The following GRM8 variants were observed in gnomAD, a reference collection of about 807,000 sequenced individuals.
GRM8 encodes metabotropic glutamate receptor 8.
A neutral mutation model predicts 87.2 loss-of-function variants in GRM8; 47 were observed. The observed-to-expected ratio is 0.54, with a 90% CI of 0.43 to 0.69. GRM8 has a LOEUF of 0.69. Among genes scored for constraint, GRM8 ranks in the 30% least tolerant of loss-of-function variants. GRM8 has a pLI of 0.00. For synonymous variants in GRM8, 396 were observed against 404.5 expected, an observed-to-expected ratio of 0.98 and a Z score of 0.25; for missense variants, 1,019 against 1,139.2, an observed-to-expected ratio of 0.89 and a Z score of 1.52.
intron 3 of GRM8, among the ~76,000 whole-genome samples, chr7:126,936,072 A>T (rs1378680857): frequency 6.6e-6 from 1 of 152,184 alleles, no homozygotes; most frequent in Non-Finnish European, 1.5e-5. Context: ...TTAAGAAAAG[A>T]TAAAAACCAT....
chr7:126,530,588 G>T (rs1237590278), intron 9 of GRM8, among the ~76,000 whole-genome samples: 1 of 152,216 alleles, frequency 6.6e-6, no homozygotes, highest in Non-Finnish European at 1.5e-5. Flanking sequence ...TGGGTTAATG[G>T]ATGTGTGTGC....
chr7:126,766,240 T>C (rs1281603700), intron 7 of GRM8, among the ~76,000 whole-genome samples: 1 of 152,108 alleles, frequency 6.6e-6, no homozygotes, highest in Non-Finnish European at 1.5e-5. Flanking sequence ...CTCTTTATTT[T>C]TGTACCAACT....
At chr7:126,822,757 T>C (rs1330421211) in intron 6 of GRM8, among the ~76,000 whole-genome samples, 1 of 152,172 alleles carries the variant, frequency 6.6e-6, no homozygotes, top group Non-Finnish European at 1.5e-5. Context: ...TCCTGGCTCC[T>C]TTTATGATAA....
chr7:127,160,695 G>A (rs1280539614), intron 2 of GRM8, among the ~76,000 whole-genome samples: 2 of 152,106 alleles, frequency 1.3e-5, no homozygotes, highest in Non-Finnish European at 2.9e-5. Context: ...GAAAAAAGCA[G>A]TTTTCTGGCA....
rs559510942 is a variant in GRM8, at chr7:126,915,797, G to A, written c.728-11114C>T. Among the ~76,000 whole-genome samples the A allele has an allele frequency of 2.6e-5, 4 of 152,226 alleles. No homozygotes were observed. In the East Asian group the frequency reaches 7.7e-4, roughly 29 times the overall value. ...GCTGAGAGAGAAAACCCAGTCCAGA[G>A]GTATCTATGGAACTGGGCAGAAAAG... On this transcript the variant is annotated intron_variant, in intron 3 of 10. Transcript: ENST00000339582.
At chr7:126,693,019 C>G (rs1808990023) in intron 7 of GRM8, among the ~76,000 whole-genome samples, 1 of 152,162 alleles carries the variant, frequency 6.6e-6, no homozygotes, top group African/African-American at 2.4e-5. Context: ...CTTCACTCTC[C>G]AAACCCTCAA....
At chr7:126,956,835 T>A (rs1281586231) in intron 3 of GRM8, among the ~76,000 whole-genome samples, 1 of 152,232 alleles carries the variant, frequency 6.6e-6, no homozygotes, top group Non-Finnish European at 1.5e-5. Flanking sequence ...GCAAACTTTA[T>A]TCTTTCAACT....
chr7:126,859,571 C>T (rs1051659260), intron 6 of GRM8, among the ~76,000 whole-genome samples: 3 of 152,124 alleles, frequency 2.0e-5, no homozygotes, highest in African/African-American at 7.2e-5. Flanking sequence ...AAAGGATGTA[C>T]CATTCATGTT....
chr7:126,777,412 G>C lies in GRM8; in HGVS notation c.1157-7347C>G, dbSNP rs1485784612. On this transcript the variant is annotated intron_variant, in intron 6 of 10. Coordinates refer to ENST00000339582, the MANE Select transcript of GRM8 (RefSeq NM_000845.3). ...GGCAGTAAACGGCAATTTAAAATCA[G>C]GTCTACGTGACTCAAAACCTCTGCC... is the stretch of plus-strand genomic sequence containing the variant. 9.2e-5 allele frequency among the ~76,000 whole-genome samples: 14 copies of C among 152,050 alleles called. 1 individual carries two copies. The highest frequency in any genetic ancestry group is 2.1e-4 in the Non-Finnish European group (14 of 68,008).
At chr7:126,456,712 C>A (rs1311255406) in intron 9 of GRM8, among the ~76,000 whole-genome samples, 1 of 151,212 alleles carries the variant, frequency 6.6e-6, no homozygotes, top group Non-Finnish European at 1.5e-5. Flanking sequence ...TGAAACTTAT[C>A]CTCGAATTAT....
In GRM8 at chr7:126,904,768, T is replaced by C. The variant is rs186688310; in HGVS notation, c.728-85A>G. The C allele has an allele frequency of 6.4e-5, 73 of 1,145,838 alleles. 1 individual carries two copies. In the African/African-American group the frequency reaches 8.5e-4, roughly 13 times the overall value. 71.0% of individuals were successfully genotyped at this position (1,145,838 alleles called of 1,614,324 possible). ...CAATTACCTACTTTATAAAAGCACA[T>C]ACTTCTGTATGAATATTATTTCTCA... On this transcript the variant is annotated intron_variant, in intron 3 of 10. Transcript: ENST00000339582.
At chr7:127,228,003 G>C (rs114122336) in intron 2 of GRM8, among the ~76,000 whole-genome samples, 2 of 152,214 alleles carry the variant, frequency 1.3e-5, no homozygotes, top group African/African-American at 4.8e-5. Flanking sequence ...CCTGCTCAAA[G>C]GCAGTCTTTT....
At chr7:126,710,273 A>G (rs1223293946) in intron 7 of GRM8, among the ~76,000 whole-genome samples, 1 of 152,134 alleles carries the variant, frequency 6.6e-6, no homozygotes, top group African/African-American at 2.4e-5. Context: ...ATTGTGTGGC[A>G]ATTTCATAAA....
chr7:126,656,201 T>C (rs979070211), intron 7 of GRM8, among the ~76,000 whole-genome samples: 7 of 152,166 alleles, frequency 4.6e-5, no homozygotes, highest in South Asian at 2.1e-4. Flanking sequence ...TGGGGTAAGA[T>C]AACTAGAGTA....
At chr7:126,594,334 C>A (rs1247701426) in intron 8 of GRM8, among the ~76,000 whole-genome samples, 1 of 151,882 alleles carries the variant, frequency 6.6e-6, no homozygotes. Context: ...GTAGAATCAA[C>A]CTAAGTGTCC....
intron 9 of GRM8, among the ~76,000 whole-genome samples, chr7:126,518,311 T>C (rs1205867256): frequency 6.6e-6 from 1 of 152,064 alleles, no homozygotes; most frequent in Non-Finnish European, 1.5e-5. Context: ...AGGAAAAACA[T>C]TTTGAATGAC....
At chr7:127,001,789 T>C (rs1232912174) in intron 3 of GRM8, among the ~76,000 whole-genome samples, 1 of 151,588 alleles carries the variant, frequency 6.6e-6, no homozygotes, top group African/African-American at 2.4e-5. Flanking sequence ...AACCCAACTA[T>C]CCATCAGTAT....
rs188569512 is a variant in GRM8 at position 127,106,962 on chromosome 7, T to C, written c.511-250A>G. Among the ~76,000 whole-genome samples the C allele has an allele frequency of 2.0e-5, 3 of 152,386 alleles. No homozygotes were observed. The East Asian group carries it at 5.8e-4, about 29-fold the overall frequency. On this transcript the variant is annotated intron_variant, in intron 2 of 10. Transcript: ENST00000339582. ...ATTTTGCTTTAGTTTCCATTGTTTC[T>C]GGAGCCAAAGCAAAACATTTGTGCT...
chr7:127,097,509 C>T (rs958701857), intron 3 of GRM8, among the ~76,000 whole-genome samples: 2 of 152,162 alleles, frequency 1.3e-5, no homozygotes, highest in African/African-American at 2.4e-5. Context: ...CAAGCAAAAA[C>T]CCTCTGCTAT....
Sources: allele counts gnomAD v4.1 joint callset (sites outside exome capture counted in the v4.1 genomes callset), GRCh38; gene constraint gnomAD v4.1.1; transcripts MANE v1.5; gene names NCBI Gene and HGNC (gene_info 2026-07-23, HGNC 2026-07-21).